The following TSPAN12 variants were observed in gnomAD, a reference collection of about 807,000 sequenced individuals.
TSPAN12 encodes the protein tetraspanin-12.
In TSPAN12, 19 loss-of-function variants were observed where a neutral mutation model predicts 39.2. That is an observed-to-expected ratio of 0.49 (90% CI 0.34 to 0.71). The LOEUF (loss-of-function observed/expected upper bound fraction) is 0.71, where lower values mean the gene tolerates loss of function less well. Ranked by LOEUF, TSPAN12 falls within the 30% of genes least tolerant of loss-of-function variation. The probability of loss-of-function intolerance (pLI) is 0.01; values close to 1 mark genes in which losing one functional copy is unlikely to be tolerated. For synonymous variants in TSPAN12, 119 were observed against 124.8 expected, an observed-to-expected ratio of 0.95 and a Z score of 0.31; for missense variants, 314 against 359.9, an observed-to-expected ratio of 0.87 and a Z score of 1.03.
At chr7:120,847,524 C>T (rs1436007518) in intron 2 of TSPAN12, among the ~76,000 whole-genome samples, 1 of 152,220 alleles carries the variant, frequency 6.6e-6, no homozygotes, top group Non-Finnish European at 1.5e-5. Flanking sequence ...GTCCCTCCCA[C>T]TGTTTTTCCT....
intron 7 of TSPAN12, among the ~76,000 whole-genome samples, chr7:120,801,217 C>T (rs1327641775): frequency 6.6e-6 from 1 of 152,202 alleles, no homozygotes; most frequent in African/African-American, 2.4e-5. Flanking sequence ...GTAACCCATA[C>T]ACATTTGTCA....
intron 4 of TSPAN12, among the ~76,000 whole-genome samples, chr7:120,816,546 G>A (rs958865348): frequency 2.0e-5 from 3 of 152,106 alleles, no homozygotes; most frequent in Non-Finnish European, 4.4e-5. Context: ...CAGCTGCAAA[G>A]TCAAGCAAAG....
At chr7:120,789,658 T>C (rs1406769599) in intron 7 of TSPAN12, among the ~76,000 whole-genome samples, 2 of 152,230 alleles carry the variant, frequency 1.3e-5, no homozygotes, top group African/African-American at 4.8e-5. Context: ...ATACAGGAGA[T>C]AGAAATTATT....
chr7:120,822,824 G>C (rs190027427), intron 4 of TSPAN12, among the ~76,000 whole-genome samples: 1 of 152,260 alleles, frequency 6.6e-6, no homozygotes, highest in East Asian at 1.9e-4. Context: ...ATTGGGGACA[G>C]CAGGTATAGT....
chr7:120,847,124 C>T (rs1443887873), intron 2 of TSPAN12, among the ~76,000 whole-genome samples: 2 of 151,802 alleles, frequency 1.3e-5, no homozygotes, highest in African/African-American at 4.8e-5. Context: ...AATTCCAGCT[C>T]TACTGCCTTT....
At chr7:120,833,490 C>G (rs1794424843) in intron 4 of TSPAN12, among the ~76,000 whole-genome samples, 1 of 151,688 alleles carries the variant, frequency 6.6e-6, no homozygotes, top group Admixed American at 6.6e-5. Flanking sequence ...ACATTCAGAT[C>G]TGGTTCAATC....
chr7:120,839,860 G>T (rs1359542893), intron 3 of TSPAN12, among the ~76,000 whole-genome samples, 167 bp downstream of exon 3: 2 of 152,154 alleles, frequency 1.3e-5, no homozygotes, highest in African/African-American at 4.8e-5. Context: ...GACCAGAGGC[G>T]CACCTTAAGG....
At chr7:120,818,876 A>C (rs1227210933) in intron 4 of TSPAN12, among the ~76,000 whole-genome samples, 1 of 152,138 alleles carries the variant, frequency 6.6e-6, no homozygotes, top group African/African-American at 2.4e-5. Context: ...GATTAGAAGA[A>C]ATTTCGTGAG....
At chr7:120,822,233 T>C (rs1794201130) in intron 4 of TSPAN12, among the ~76,000 whole-genome samples, 1 of 152,002 alleles carries the variant, frequency 6.6e-6, no homozygotes, top group African/African-American at 2.4e-5. Flanking sequence ...TTAAAGTTAT[T>C]TAACATCACT....
chr7:120,835,333 C>A (rs907881713), intron 4 of TSPAN12, among the ~76,000 whole-genome samples: 6 of 152,166 alleles, frequency 3.9e-5, no homozygotes, highest in Non-Finnish European at 7.3e-5. Context: ...TATTACTGAC[C>A]TCTCTGAACC....
At chr7:120,826,689 G>C (rs568331329) in intron 4 of TSPAN12, among the ~76,000 whole-genome samples, 1 of 152,154 alleles carries the variant, frequency 6.6e-6, no homozygotes, top group South Asian at 2.1e-4. Context: ...AAACAAAAGA[G>C]GGGAATGAGT....
intron 7 of TSPAN12, among the ~76,000 whole-genome samples, chr7:120,790,213 C>T (rs900832290): frequency 1.3e-5 from 2 of 152,152 alleles, no homozygotes; most frequent in African/African-American, 4.8e-5. Flanking sequence ...TGGCCTAAGA[C>T]AACTAACCTT....
At chr7:120,856,184 G>A (rs547515551) in intron 2 of TSPAN12, among the ~76,000 whole-genome samples, 1 of 151,988 alleles carries the variant, frequency 6.6e-6, no homozygotes, top group Non-Finnish European at 1.5e-5. Flanking sequence ...CCTTCAGACC[G>A]TATGGAATCC....
intron 2 of TSPAN12, 135 bp from the exon 3 acceptor site, chr7:120,840,244 A>T (rs1794552129): frequency 5.3e-6 from 4 of 755,502 alleles, no homozygotes; most frequent in Non-Finnish European, 7.0e-6. Context: ...GAAATTTACT[A>T]TTACTATAAA....
At chr7:120,793,267 G>T (rs1258774857) in intron 7 of TSPAN12, among the ~76,000 whole-genome samples, 1 of 152,208 alleles carries the variant, frequency 6.6e-6, no homozygotes, top group Admixed American at 6.5e-5. Flanking sequence ...ACTATAAAAT[G>T]CAATGACATA....
At chr7:120,823,090 C>T (rs530608399) in intron 4 of TSPAN12, among the ~76,000 whole-genome samples, 2 of 151,914 alleles carry the variant, frequency 1.3e-5, no homozygotes, top group Non-Finnish European at 2.9e-5. Flanking sequence ...ATGCTTTTTC[C>T]GGAAATTACT....
At chr7:120,833,176 T>A (rs1029774196) in intron 4 of TSPAN12, among the ~76,000 whole-genome samples, 3 of 152,032 alleles carry the variant, frequency 2.0e-5, no homozygotes, top group African/African-American at 7.2e-5. Context: ...GTAAATAATA[T>A]GATGAATCTT....
intron 6 of TSPAN12, among the ~76,000 whole-genome samples, chr7:120,808,183 C>T (rs529648631): frequency 3.4e-4 from 52 of 152,204 alleles, no homozygotes; most frequent in African/African-American, 1.2e-3. Context: ...AAGGAACAGC[C>T]TATTTATATG....
intron 2 of TSPAN12, among the ~76,000 whole-genome samples, chr7:120,853,839 A>G (rs550644152): frequency 6.7e-6 from 1 of 149,754 alleles, no homozygotes; most frequent in African/African-American, 2.4e-5. Flanking sequence ...GCGCCACTGG[A>G]CTGCAGCCTG....
Sources: allele counts gnomAD v4.1 joint callset (sites outside exome capture counted in the v4.1 genomes callset), GRCh38; gene constraint gnomAD v4.1.1; transcripts MANE v1.5; gene names NCBI Gene and HGNC (gene_info 2026-07-23, HGNC 2026-07-21).